The following ZHX2 variants were observed in gnomAD, a reference collection of about 807,000 sequenced individuals.
ZHX2 encodes the protein zinc fingers and homeoboxes 2.
Under a neutral mutation model 21.9 loss-of-function variants are expected in ZHX2, and 6 were observed. That is an observed-to-expected ratio of 0.27 (90% CI 0.15 to 0.54). ZHX2 has a LOEUF of 0.54. Ranked by LOEUF, ZHX2 falls within the 20% of genes least tolerant of loss-of-function variation. The pLI is 0.95. For missense variants in ZHX2, 908 were observed against 1,090.7 expected (o/e 0.83, Z 2.36); for synonymous variants, 434 against 437.1 (o/e 0.99, Z 0.09).
At chr8:122,917,281 A>G (rs1334622751) in intron 2 of ZHX2, among the ~76,000 whole-genome samples, 1 of 151,874 alleles carries the variant, frequency 6.6e-6, no homozygotes, top group Non-Finnish European at 1.5e-5. Context: ...GCACCGAGAA[A>G]CCATTTCCTG....
At chr8:122,930,259 GT>G (rs778663945) in intron 2 of ZHX2, among the ~76,000 whole-genome samples, 1 of 152,214 alleles carries the variant, frequency 6.6e-6, no homozygotes, top group Non-Finnish European at 1.5e-5. Context: ...CATCACCGCG[GT>G]CATTACTGGT....
chr8:122,889,648 T>C (rs901797450), intron 2 of ZHX2, among the ~76,000 whole-genome samples: 5 of 152,240 alleles, frequency 3.3e-5, no homozygotes, highest in African/African-American at 1.2e-4. Flanking sequence ...TTTGCAAACA[T>C]AGTTGACCCT....
chr8:122,854,755 C>T (rs1818988941), intron 1 of ZHX2, among the ~76,000 whole-genome samples: 1 of 152,184 alleles, frequency 6.6e-6, no homozygotes, highest in South Asian at 2.1e-4. Context: ...CCCATGGCAC[C>T]TCCAACCAGG....
intron 2 of ZHX2, among the ~76,000 whole-genome samples, chr8:122,912,511 C>T (rs1820507270): frequency 6.6e-6 from 1 of 152,194 alleles, no homozygotes; most frequent in African/African-American, 2.4e-5. Flanking sequence ...CCCCTAGTAG[C>T]ACAGATCCTC....
intron 2 of ZHX2, among the ~76,000 whole-genome samples, chr8:122,899,392 G>A (rs528029411): frequency 1.4e-4 from 22 of 152,200 alleles, no homozygotes; most frequent in South Asian, 8.3e-4. Flanking sequence ...CAGATCCTGC[G>A]TGGCTCATAG....
At chr8:122,819,985 C>T (rs1456786097) in intron 1 of ZHX2, among the ~76,000 whole-genome samples, 1 of 152,204 alleles carries the variant, frequency 6.6e-6, no homozygotes, top group African/African-American at 2.4e-5. Flanking sequence ...TAAAGGCGTC[C>T]ATAAATCCAG....
At chr8:122,819,814 CAAAT>C (rs1818104165) in intron 1 of ZHX2, among the ~76,000 whole-genome samples, 1 of 152,204 alleles carries the variant, frequency 6.6e-6, no homozygotes, top group Admixed American at 6.5e-5. Flanking sequence ...TGGTTACATC[CAAAT>C]ACCCACAAGA....
At chr8:122,847,922 C>T (rs1240861927) in intron 1 of ZHX2, among the ~76,000 whole-genome samples, 1 of 152,164 alleles carries the variant, frequency 6.6e-6, no homozygotes, top group Admixed American at 6.5e-5. Flanking sequence ...CAGTAATGAA[C>T]CGAGCTTTAC....
At chr8:122,892,238 G>A (rs1819998480) in intron 2 of ZHX2, among the ~76,000 whole-genome samples, 4 of 152,016 alleles carry the variant, frequency 2.6e-5, no homozygotes, top group Admixed American at 1.3e-4. Flanking sequence ...TATAAGTATA[G>A]CTACTGCTGC....
intron 2 of ZHX2, among the ~76,000 whole-genome samples, chr8:122,923,186 G>A (rs527369437): frequency 1.2e-3 from 189 of 152,380 alleles, no homozygotes; most frequent in African/African-American, 4.2e-3. Flanking sequence ...AGGAGTTGCA[G>A]ACAGAAGTTT....
chr8:122,935,559 G>A (rs531465504), intron 2 of ZHX2, among the ~76,000 whole-genome samples: 26 of 135,104 alleles, frequency 1.9e-4, no homozygotes, highest in African/African-American at 5.2e-4. Context: ...TTTTTGAGAC[G>A]GAGTCTCACT....
chr8:122,800,355 A>C (rs16897452), intron 1 of ZHX2, among the ~76,000 whole-genome samples: 9,861 of 152,176 alleles, frequency 0.065, 437 homozygotes, highest in African/African-American at 0.12. Flanking sequence ...TAGTCAGAGT[A>C]ATGGTTGTCC....
At chr8:122,780,715 G>T (rs1305682284), upstream of ZHX2, 2 of 152,292 alleles carry the variant, frequency 1.3e-5, no homozygotes, top group African/African-American at 4.8e-5. Context: ...TGAGAGCTCC[G>T]CTCCCACTGG....
chr8:122,815,254 T>A lies in ZHX2; in HGVS notation c.-283+33308T>A, dbSNP rs567141803. Among the ~76,000 whole-genome samples, 8 of 152,356 alleles carry A rather than the reference T, an allele frequency of 5.3e-5. No individual in the cohort carries two copies. The South Asian group carries it at 1.5e-3, about 28-fold the overall frequency. The stretch of plus-strand genomic sequence containing the variant: ...TCTCCGTTAGGTACAATAGGCACAG[T>A]GCCTAGAGTCTGTGATACTTTGATG... On this transcript the variant is annotated intron_variant, in intron 1 of 3. Transcript: ENST00000314393.
At chr8:122,925,977 A>G (rs1416388674) in intron 2 of ZHX2, among the ~76,000 whole-genome samples, 2 of 152,126 alleles carry the variant, frequency 1.3e-5, no homozygotes, top group Non-Finnish European at 2.9e-5. Flanking sequence ...TGACGGCTTA[A>G]GTGAGATGAC....
chr8:122,929,000 C>T (rs1039641622), intron 2 of ZHX2, among the ~76,000 whole-genome samples: 1 of 152,150 alleles, frequency 6.6e-6, no homozygotes, highest in African/African-American at 2.4e-5. Flanking sequence ...TTCCTATATA[C>T]CAAGTTGTGT....
At chr8:122,854,109 G>T (rs553755687) in intron 1 of ZHX2, among the ~76,000 whole-genome samples, 2 of 152,178 alleles carry the variant, frequency 1.3e-5, no homozygotes, top group Non-Finnish European at 2.9e-5. Context: ...CAGCTGAGGC[G>T]TGCTAGGTGG....
intron 2 of ZHX2, among the ~76,000 whole-genome samples, chr8:122,932,050 T>G (rs1006964502): frequency 1.3e-5 from 2 of 152,128 alleles, no homozygotes; most frequent in Non-Finnish European, 2.9e-5. Flanking sequence ...CTGTGGCAAT[T>G]TTGTGGAAAC....
At chr8:122,917,071 C>T (rs917519430) in intron 2 of ZHX2, among the ~76,000 whole-genome samples, 2 of 152,176 alleles carry the variant, frequency 1.3e-5, no homozygotes, top group African/African-American at 4.8e-5. Context: ...CCCTGTCATC[C>T]AGCGCATTCA....
Sources: gnomAD v4.1 joint callset for allele counts (sites outside exome capture counted in the v4.1 genomes callset) on GRCh38, gnomAD v4.1.1 for gene constraint, MANE v1.5 for transcripts, NCBI Gene and HGNC (gene_info 2026-07-23, HGNC 2026-07-21) for gene names.